TBC1D1: variants seen among roughly 807,000 people sequenced by gnomAD.
TBC1D1 encodes TBC1 (tre-2/USP6, BUB2, cdc16) domain family, member 1.
In TBC1D1, 89 loss-of-function variants were observed where a neutral mutation model predicts 125.6. That is an observed-to-expected ratio of 0.71 (90% CI 0.60 to 0.85). TBC1D1 has a LOEUF of 0.85. TBC1D1 is among the 40% of genes least tolerant of loss of function. The pLI is 0.00. For synonymous variants in TBC1D1, 565 were observed against 564.1 expected (o/e 1.00, Z -0.02); for missense variants, 1,377 against 1,469.2 (o/e 0.94, Z 1.03).
At chr4:37,987,148 A>G (rs1735637372) in intron 2 of TBC1D1, among the ~76,000 whole-genome samples, 1 of 152,226 alleles carries the variant, frequency 6.6e-6, no homozygotes, top group African/African-American at 2.4e-5. Context: ...AATAGAAGGG[A>G]CAATTATTTT....
chr4:38,042,833 C>T (rs1415128284), intron 8 of TBC1D1, among the ~76,000 whole-genome samples: 4 of 152,210 alleles, frequency 2.6e-5, no homozygotes, highest in Admixed American at 2.6e-4. Flanking sequence ...AGTCTCTACA[C>T]TTTTCTGTGT....
chr4:38,083,262 A>G (rs1439381678), intron 12 of TBC1D1, among the ~76,000 whole-genome samples: 2 of 152,228 alleles, frequency 1.3e-5, no homozygotes, highest in African/African-American at 2.4e-5. Flanking sequence ...CCCAATTTCT[A>G]ACCAATTAAT....
intron 11 of TBC1D1, among the ~76,000 whole-genome samples, chr4:38,052,740 A>ACG (rs1750971724): frequency 6.8e-6 from 1 of 146,452 alleles, no homozygotes; most frequent in Non-Finnish European, 1.5e-5. Context: ...ACACACACAC[A>ACG]CACACACACA....
chr4:38,134,777 T>C (rs1050606879), intron 19 of TBC1D1, among the ~76,000 whole-genome samples: 2 of 152,248 alleles, frequency 1.3e-5, no homozygotes, highest in East Asian at 3.8e-4. Flanking sequence ...GAAAAACTGC[T>C]TAGCTACCTA....
intron 16 of TBC1D1, among the ~76,000 whole-genome samples, chr4:38,117,178 GATT>G (rs1190047745): frequency 6.6e-6 from 1 of 152,182 alleles, no homozygotes; most frequent in Non-Finnish European, 1.5e-5. Context: ...GTGCTTATGG[GATT>G]ATATTATCTG....
At chr4:38,136,477 C>G (rs910873268) in intron 19 of TBC1D1, among the ~76,000 whole-genome samples, 7 of 152,164 alleles carry the variant, frequency 4.6e-5, no homozygotes, top group Admixed American at 3.9e-4. Context: ...TCTTGTTCCT[C>G]TAGACATCAC....
intron 2 of TBC1D1, chr4:37,960,970 T>C: frequency 6.2e-7 from 1 of 1,614,162 alleles, no homozygotes; most frequent in Non-Finnish European, 8.5e-7. Flanking sequence ...TGCAATCTGT[T>C]TGCAGTCTCC....
At chr4:38,021,295 C>G (rs1412173191) in intron 5 of TBC1D1, among the ~76,000 whole-genome samples, 1 of 152,192 alleles carries the variant, frequency 6.6e-6, no homozygotes, top group Non-Finnish European at 1.5e-5. Context: ...CACTGGGTCC[C>G]TCCCATGACA....
At chr4:38,083,581 T>A (rs765355283) in intron 12 of TBC1D1, among the ~76,000 whole-genome samples, 7 of 152,222 alleles carry the variant, frequency 4.6e-5, no homozygotes, top group Non-Finnish European at 8.8e-5. Flanking sequence ...TTCCACACAT[T>A]TACCTACTTA....
intron 12 of TBC1D1, among the ~76,000 whole-genome samples, chr4:38,079,891 CTG>C (rs1447560671): frequency 6.6e-6 from 1 of 152,196 alleles, no homozygotes; most frequent in Admixed American, 6.5e-5. Flanking sequence ...ATTAAGGTAA[CTG>C]TAATGTAAAG....
At chr4:38,111,563 T>C (rs1762206677) in intron 15 of TBC1D1, among the ~76,000 whole-genome samples, 1 of 152,206 alleles carries the variant, frequency 6.6e-6, no homozygotes, top group South Asian at 2.1e-4. Flanking sequence ...TTAAAAAATC[T>C]CTTTAATGTC....
At chr4:37,974,080 T>C (rs1188752855) in intron 2 of TBC1D1, among the ~76,000 whole-genome samples, 2 of 152,236 alleles carry the variant, frequency 1.3e-5, no homozygotes, top group Admixed American at 1.3e-4. Flanking sequence ...GGGAAAGTGA[T>C]GTGGTAACAG....
intron 15 of TBC1D1, chr4:38,110,599 C>T (rs1578764455): frequency 5.1e-6 from 5 of 985,244 alleles, no homozygotes; most frequent in Admixed American, 6.1e-5. Flanking sequence ...CAAGACACAT[C>T]GAATGTCTTT....
intron 15 of TBC1D1, among the ~76,000 whole-genome samples, chr4:38,108,120 C>T (rs1004987927): frequency 5.3e-5 from 8 of 152,206 alleles, no homozygotes; most frequent in Non-Finnish European, 7.3e-5. Flanking sequence ...CTTTGACTCT[C>T]TATCCTGGGT....
rs561613935 is a variant in TBC1D1, at chr4:38,139,156, A to G, written c.*1821A>G. The G allele has an allele frequency of 3.3e-5, 5 of 152,632 alleles. 1 individual carries two copies. The South Asian group carries it at 1.0e-3, about 32-fold the overall frequency. The allele number at this position is 152,632 out of a possible 1,614,324, so 9.5% of individuals were successfully genotyped here. A position where few individuals can be genotyped will look rare whatever the true frequency, so the allele number is the denominator to read the frequency against. On this transcript the variant is annotated 3_prime_UTR_variant, in exon 20 of 20. Transcript: ENST00000261439. ...AGAAACAAGAAAGCAATAAAACAAG[A>G]AATAATTCATGCTCACATTTTTATG...
intron 14 of TBC1D1, among the ~76,000 whole-genome samples, chr4:38,100,701 A>G (rs1760160353): frequency 6.6e-6 from 1 of 152,156 alleles, no homozygotes. Flanking sequence ...TATTTCTTCT[A>G]CAGGCCAACT....
At chr4:38,086,563 T>A (rs1757516588) in intron 12 of TBC1D1, among the ~76,000 whole-genome samples, 1 of 152,226 alleles carries the variant, frequency 6.6e-6, no homozygotes, top group Non-Finnish European at 1.5e-5. Flanking sequence ...TATGTCTTTG[T>A]ATTCTGGACT....
rs745605573 is a variant in TBC1D1, at chr4:38,035,663, CAGAA to C, written c.1383_1386del (p.Lys461AsnfsTer8). ...TCTGAGATGTTTATATGAAGAGAAA[CAGAA>C]AGAACACATCCATATTGGGGAGATG... On this transcript the variant is annotated frameshift_variant, in exon 8 of 20. Coordinates refer to ENST00000261439, the MANE Select transcript of TBC1D1 (RefSeq NM_015173.4). LOFTEE classifies it high-confidence loss of function. 6 of 1,613,368 alleles carry C rather than the reference CAGAA, an allele frequency of 3.7e-6. No homozygotes were observed. The highest frequency in any genetic ancestry group is 1.7e-4 in the Middle Eastern group (1 of 6,058).
In TBC1D1 at chr4:38,115,789, C is replaced by T. The variant is rs766407035; in HGVS notation, c.2637C>T (p.Ala879=). ...TATCGCTTTACAACATTTTGAAGGC[C>T]TACTCACTTCTAGACCAGGAAGTGG... is the stretch of plus-strand genomic sequence containing the variant. The change falls in exon 16 of 20, where the codon GCC becomes GCT. Residue 879 remains alanine, a synonymous_variant. Transcript: ENST00000261439. 6.2e-7 allele frequency: 1 copy of T among 1,614,186 alleles called. No homozygotes were observed. The highest frequency in any genetic ancestry group is 1.1e-5 in the South Asian group (1 of 91,084).
Sources: gnomAD v4.1 joint callset for allele counts (sites outside exome capture counted in the v4.1 genomes callset) on GRCh38, gnomAD v4.1.1 for gene constraint, MANE v1.5 for transcripts, NCBI Gene and HGNC (gene_info 2026-07-23, HGNC 2026-07-21) for gene names.